Variants in RABGAP1L observed in about 807,000 individuals in gnomAD.
RABGAP1L encodes RAB GTPase activating protein 1 like.
A neutral mutation model predicts 137.7 loss-of-function variants in RABGAP1L; 63 were observed. The ratio of observed to expected loss-of-function variants is 0.46; its 90% CI spans 0.37 to 0.56. The LOEUF is 0.56. RABGAP1L is among the 20% of genes least tolerant of loss of function. The pLI is 0.00. For missense variants in RABGAP1L, 1,095 were observed against 1,244.0 expected, an observed-to-expected ratio of 0.88 and a Z score of 1.80; for synonymous variants, 431 against 433.7, an observed-to-expected ratio of 0.99 and a Z score of 0.08.
At chr1:174,447,300 CT>C (rs1295725029) in intron 13 of RABGAP1L, among the ~76,000 whole-genome samples, 6 of 152,134 alleles carry the variant, frequency 3.9e-5, no homozygotes, top group Non-Finnish European at 8.8e-5. Context: ...TGTATATTCT[CT>C]TTTCTATTGG....
chr1:174,735,909 G>T (rs1267606953), intron 17 of RABGAP1L, among the ~76,000 whole-genome samples: 6 of 152,098 alleles, frequency 3.9e-5, no homozygotes, highest in Non-Finnish European at 8.8e-5. Flanking sequence ...ATTCATGAGG[G>T]ATACACCTCC....
At chr1:174,557,933 C>G (rs1189572714) in intron 13 of RABGAP1L, among the ~76,000 whole-genome samples, 1 of 152,194 alleles carries the variant, frequency 6.6e-6, no homozygotes, top group African/African-American at 2.4e-5. Flanking sequence ...AGTGCTACCA[C>G]CTGAGCACTC....
intron 17 of RABGAP1L, among the ~76,000 whole-genome samples, chr1:174,725,788 A>G (rs1681930385): frequency 6.6e-6 from 1 of 151,958 alleles, no homozygotes; most frequent in Non-Finnish European, 1.5e-5. Flanking sequence ...GTTCTGGGAC[A>G]GTGTTTATGA....
intron 13 of RABGAP1L, among the ~76,000 whole-genome samples, chr1:174,415,979 C>A (rs16828481): frequency 0.32 from 45,691 of 144,898 alleles, 9,007 homozygotes; most frequent in African/African-American, 0.55. Context: ...TATACCAGAA[C>A]CTTAAATTAA....
rs867359943 is a variant in RABGAP1L at position 174,989,888 on chromosome 1, C to A, written c.3043C>A (p.Gln1015Lys). The change falls in exon 26 of 26, where the codon CAA (glutamine) becomes AAA (lysine). Residue 1015 changes from glutamine (Q) to lysine (K), a missense_variant. Transcript: ENST00000681986. ...GAGAGGAGCCCTTATGAATGAAATCCAAGCTGCGAAAAACTCTTGGTTTAG... is the reference window on the plus strand; with the variant it reads ...GAGAGGAGCCCTTATGAATGAAATCAAAGCTGCGAAAAACTCTTGGTTTAG... The part of the protein sequence containing the change: ...HQRGALMNEI[Q>K]AAKNSWFSKT... 1 of 1,550,516 alleles carries A rather than the reference C, an allele frequency of 6.4e-7. No individual in the cohort carries two copies. The highest frequency in any genetic ancestry group is 8.7e-7 in the Non-Finnish European group (1 of 1,146,944).
At chr1:174,712,509 C>T (rs909978883) in intron 17 of RABGAP1L, among the ~76,000 whole-genome samples, 5 of 152,112 alleles carry the variant, frequency 3.3e-5, no homozygotes, top group Admixed American at 2.6e-4. Context: ...GGAAGAAACT[C>T]CAGACACATC....
chr1:174,416,530 C>T (rs1008149355), intron 13 of RABGAP1L, among the ~76,000 whole-genome samples: 1 of 152,062 alleles, frequency 6.6e-6, no homozygotes, highest in Non-Finnish European at 1.5e-5. Context: ...ATATTTTGGT[C>T]AATCTGGAAG....
chr1:174,888,233 C>T (rs1321034997), intron 19 of RABGAP1L, among the ~76,000 whole-genome samples: 1 of 152,044 alleles, frequency 6.6e-6, no homozygotes, highest in Non-Finnish European at 1.5e-5. Flanking sequence ...GGCAAAATCA[C>T]AAATAACACA....
chr1:174,493,823 A>G (rs1157681350), intron 13 of RABGAP1L, among the ~76,000 whole-genome samples: 3 of 115,908 alleles, frequency 2.6e-5, no homozygotes, highest in Non-Finnish European at 5.3e-5. Context: ...CCCTGTCTGA[A>G]AAAAAAAAAA....
At chr1:174,842,850 A>T in intron 19 of RABGAP1L, among the ~76,000 whole-genome samples, 1 of 152,258 alleles carries the variant, frequency 6.6e-6, no homozygotes, top group East Asian at 1.9e-4. Context: ...TTCATTTACC[A>T]TCATTTTCTT....
At chr1:174,574,209 C>T (rs1668195273) in intron 13 of RABGAP1L, among the ~76,000 whole-genome samples, 1 of 152,080 alleles carries the variant, frequency 6.6e-6, no homozygotes, top group Non-Finnish European at 1.5e-5. Flanking sequence ...CATGGAACTG[C>T]CCTTATTAAA....
intron 19 of RABGAP1L, among the ~76,000 whole-genome samples, chr1:174,855,146 A>G (rs1244895027): frequency 6.6e-6 from 1 of 151,996 alleles, no homozygotes; most frequent in Non-Finnish European, 1.5e-5. Context: ...AAAATCAGGA[A>G]CCTGATTTTA....
chr1:174,971,447 C>G (rs892125373), intron 21 of RABGAP1L, among the ~76,000 whole-genome samples: 19 of 152,036 alleles, frequency 1.2e-4, no homozygotes, highest in Non-Finnish European at 2.4e-4. Flanking sequence ...TAGAACAGCC[C>G]CTGAAGAAAA....
chr1:174,500,982 T>G (rs1661208336), intron 13 of RABGAP1L, among the ~76,000 whole-genome samples: 1 of 152,188 alleles, frequency 6.6e-6, no homozygotes, highest in South Asian at 2.1e-4. Context: ...ATTCATTGCC[T>G]TAATTGAGTA....
At chr1:174,807,067 G>A (rs1471921513) in intron 18 of RABGAP1L, among the ~76,000 whole-genome samples, 2 of 152,162 alleles carry the variant, frequency 1.3e-5, no homozygotes, top group Non-Finnish European at 2.9e-5. Context: ...GATTACAGGT[G>A]TAAGCCACCA....
intron 1 of RABGAP1L, among the ~76,000 whole-genome samples, chr1:174,208,886 TC>T (rs1413174395): frequency 7.2e-5 from 11 of 152,164 alleles, no homozygotes; most frequent in Non-Finnish European, 1.6e-4. Flanking sequence ...CTTTGGTGCT[TC>T]CTTTAAAAAT....
chr1:174,838,030 G>C (rs1396222337), intron 19 of RABGAP1L, among the ~76,000 whole-genome samples: 1 of 152,162 alleles, frequency 6.6e-6, no homozygotes, highest in Non-Finnish European at 1.5e-5. Context: ...AAAACTAGTA[G>C]TAGTAGCTAT....
At chr1:174,405,924 G>A (rs576756246) in intron 13 of RABGAP1L, among the ~76,000 whole-genome samples, 1 of 152,082 alleles carries the variant, frequency 6.6e-6, no homozygotes, top group South Asian at 2.1e-4. Context: ...GTTGCAGTGA[G>A]CCAAGATCAC....
rs576630331 is a variant in RABGAP1L, at chr1:174,924,410, A to G, written c.2341-33047A>G. Among the ~76,000 whole-genome samples the G allele has an allele frequency of 2.1e-4, 29 of 139,214 alleles. 1 individual carries two copies. In the South Asian group the frequency reaches 6.5e-3, roughly 31 times the overall value. The allele number at this position is 139,214 out of a possible 152,430, so 91.3% of individuals were successfully genotyped here. A position where few individuals can be genotyped will look rare whatever the true frequency, so the allele number is the denominator to read the frequency against. ...CAAAAAAAAAAAAAAAAAAAAAGAG[A>G]GAGATACAAAGTACTACTGAAATCT... On this transcript the variant is annotated intron_variant, in intron 19 of 25. Coordinates refer to ENST00000681986, the MANE Select transcript of RABGAP1L (RefSeq NM_001366446.1).
Sources: gnomAD v4.1 joint callset for allele counts (sites outside exome capture counted in the v4.1 genomes callset) on GRCh38, gnomAD v4.1.1 for gene constraint, MANE v1.5 for transcripts, NCBI Gene and HGNC (gene_info 2026-07-23, HGNC 2026-07-21) for gene names.